The following LANCL3 variants were observed in gnomAD, a reference collection of about 807,000 sequenced individuals.
LANCL3 encodes the protein lanC-like protein 3.
A neutral mutation model predicts 26.5 loss-of-function variants in LANCL3; 19 were observed. The observed-to-expected ratio is 0.72, with a 90% CI of 0.50 to 1.05. LANCL3 has a LOEUF of 1.05. LANCL3 is among the 50% of genes least tolerant of loss of function. The pLI is 0.00. For missense variants in LANCL3, 318 were observed against 362.7 expected, an observed-to-expected ratio of 0.88 and a Z score of 1.00; for synonymous variants, 160 against 166.6, an observed-to-expected ratio of 0.96 and a Z score of 0.30.
chrX:37,667,344 T>C lies in LANCL3; in HGVS notation c.958T>C (p.Cys320Arg). The C allele has an allele frequency of 8.4e-7, 1 of 1,189,732 alleles. No individual in the cohort carries two copies. The highest frequency in any genetic ancestry group is 3.1e-5 in the East Asian group (1 of 32,747). Residue 320 changes from cysteine (C) to arginine (R), a missense_variant, in exon 4 of 5, where the codon TGT becomes CGT. Transcript: ENST00000378619. The part of the protein sequence containing the change: ...VSKKPQYLDT[C>R]IRCGELTWQK... ...CAAGAAACCGCAGTACCTGGACACA[T>C]GTATTCGGTGTGGGGAACTCACATG... is the stretch of plus-strand genomic sequence containing the variant.
At chrX:37,668,468 G>A (rs1393745725) in intron 4 of LANCL3, 4 of 366,861 alleles carry the variant, frequency 1.1e-5, no homozygotes, top group Admixed American at 4.2e-5. Context: ...GGGTAAACTG[G>A]GCCAGGAGGA....
intron 1 of LANCL3, among the ~76,000 whole-genome samples, chrX:37,611,192 C>T (rs948823290): frequency 1.9e-4 from 21 of 112,049 alleles, no homozygotes; most frequent in African/African-American, 4.9e-4. Flanking sequence ...AGCCCAAACA[C>T]GCTCATGAAG....
intron 1 of LANCL3, among the ~76,000 whole-genome samples, chrX:37,577,316 G>C (rs1923776998): frequency 1.8e-5 from 2 of 112,663 alleles, no homozygotes; most frequent in Admixed American, 1.9e-4. Context: ...TTGCAACCAT[G>C]TTACCAAAAC....
intron 1 of LANCL3, among the ~76,000 whole-genome samples, chrX:37,627,552 A>G (rs1449519851): frequency 9.0e-6 from 1 of 111,642 alleles, no homozygotes; most frequent in Non-Finnish European, 1.9e-5. Context: ...CTCACAGCAC[A>G]CCTACTGACT....
chrX:37,638,964 T>G (rs965766629), intron 1 of LANCL3, among the ~76,000 whole-genome samples: 2 of 110,597 alleles, frequency 1.8e-5, no homozygotes, highest in East Asian at 5.8e-4. Context: ...CATGTATCAG[T>G]AATTGGTTCT....
intron 1 of LANCL3, among the ~76,000 whole-genome samples, chrX:37,653,138 A>T (rs1215554630): frequency 9.0e-6 from 1 of 111,123 alleles, no homozygotes; most frequent in African/African-American, 3.3e-5. Flanking sequence ...ATGATACATG[A>T]CCATGGGAGG....
chrX:37,574,934 AT>A (rs1556416260), intron 1 of LANCL3, among the ~76,000 whole-genome samples: 1 of 101,048 alleles, frequency 9.9e-6, no homozygotes. Context: ...TATATATATA[AT>A]TTTTTTTTGA....
intron 4 of LANCL3, among the ~76,000 whole-genome samples, chrX:37,671,624 A>G (rs1926686500): frequency 9.1e-6 from 1 of 109,902 alleles, no homozygotes; most frequent in African/African-American, 3.3e-5. Context: ...TGCCAGGTAC[A>G]CTCCACCTCA....
Position 37,659,492 on chromosome X carries a change from A to G in LANCL3, c.728A>G (p.Gln243Arg). 1 of 1,210,662 alleles carries G rather than the reference A, an allele frequency of 8.3e-7. No homozygotes were observed. The highest frequency in any genetic ancestry group is 2.2e-5 in the Admixed American group (1 of 45,977). ...GCTCACGGCTTGTCGTCTATTCTTC[A>G]GATGCTTCTTTCTTACCATGAGCAT... ...GAAHGLSSIL[Q>R]MLLSYHEHLK... Residue 243 changes from glutamine to arginine, a missense_variant, in exon 3 of 5, where the codon CAG (glutamine) becomes CGG (arginine). Transcript: ENST00000378619.
chrX:37,658,780 C>G (rs1036962100), intron 2 of LANCL3, among the ~76,000 whole-genome samples: 1 of 112,069 alleles, frequency 8.9e-6, no homozygotes, highest in African/African-American at 3.2e-5. Context: ...TCATGTTTAT[C>G]TGTATAACCA....
intron 1 of LANCL3, among the ~76,000 whole-genome samples, chrX:37,636,795 C>A (rs1251739293): frequency 8.9e-6 from 1 of 112,097 alleles, no homozygotes; most frequent in Non-Finnish European, 1.9e-5. Flanking sequence ...AGACTGTTTG[C>A]ACTTGGTTAC....
chrX:37,624,502 T>C (rs782006713), intron 1 of LANCL3, among the ~76,000 whole-genome samples: 6 of 112,010 alleles, frequency 5.4e-5, no homozygotes, highest in Non-Finnish European at 5.6e-5. Flanking sequence ...TGTTTTGTTC[T>C]ACTGTAACTT....
chrX:37,580,896 G>T (rs144351617), intron 1 of LANCL3, among the ~76,000 whole-genome samples: 1 of 112,375 alleles, frequency 8.9e-6, no homozygotes, highest in African/African-American at 3.2e-5. Context: ...ACTTGTTCCA[G>T]ATCACACAGC....
chrX:37,594,212 A>G (rs782247354), intron 1 of LANCL3, among the ~76,000 whole-genome samples: 1 of 112,155 alleles, frequency 8.9e-6, no homozygotes, highest in Non-Finnish European at 1.9e-5. Context: ...TGACTCTAAG[A>G]TACTCCAAGT....
intron 1 of LANCL3, among the ~76,000 whole-genome samples, chrX:37,582,243 A>T (rs1569461130): frequency 8.9e-6 from 1 of 112,060 alleles, no homozygotes; most frequent in Non-Finnish European, 1.9e-5. Flanking sequence ...CAATAAACAT[A>T]CGTGTGCATG....
Position 37,633,183 on chromosome X carries a change from C to T in LANCL3, c.574-22505C>T, listed in dbSNP as rs1183510573. Among the ~76,000 whole-genome samples the T allele has an allele frequency of 2.8e-5, 3 of 108,766 alleles. No individual in the cohort carries two copies. In the East Asian group the frequency reaches 8.6e-4, roughly 31 times the overall value. 94.5% of individuals were successfully genotyped at this position (108,766 alleles called of 115,157 possible). A position where few individuals can be genotyped will look rare whatever the true frequency, so the allele number is the denominator to read the frequency against. ...TTTTTATTCTTTTTTCTCTAAACTT[C>T]CCTTCTCACTTCATTTCATTCATTT... On this transcript the variant is annotated intron_variant, in intron 1 of 4. Transcript: ENST00000378619.
intron 4 of LANCL3, among the ~76,000 whole-genome samples, chrX:37,673,683 T>A (rs1556436816): frequency 8.9e-6 from 1 of 111,806 alleles, no homozygotes; most frequent in African/African-American, 3.2e-5. Context: ...GGTACTATTT[T>A]AAGTTGCTAT....
intron 2 of LANCL3, among the ~76,000 whole-genome samples, chrX:37,659,103 A>G (rs1926355333): frequency 8.9e-6 from 1 of 112,977 alleles, no homozygotes; most frequent in South Asian, 3.6e-4. Context: ...TTGGTCAGCA[A>G]ATTTTTTCTG....
rs1924559905 is a variant in LANCL3, at chrX:37,600,975, C to T, written c.573+28532C>T. ...ACTCAGTAAAAACATTCAGCTGACA[C>T]TAGGGATACTATTCGTGTTGGAAAC... On this transcript the variant is annotated intron_variant, in intron 1 of 4. Transcript: ENST00000378619. Among the ~76,000 whole-genome samples, 3 of 111,852 alleles carry T rather than the reference C, an allele frequency of 2.7e-5. No homozygotes were observed. The South Asian group carries it at 1.1e-3, about 42-fold the overall frequency.
Sources: allele counts gnomAD v4.1 joint callset (sites outside exome capture counted in the v4.1 genomes callset), GRCh38; gene constraint gnomAD v4.1.1; transcripts MANE v1.5; gene names NCBI Gene and HGNC (gene_info 2026-07-23, HGNC 2026-07-21).